C3orf70: variants seen among roughly 807,000 people sequenced by gnomAD.
C3orf70 encodes chromosome 3 open reading frame 70, also known as UPF0524 protein C3orf70.
C3orf70 carries 15 observed loss-of-function variants against 20.7 expected under a neutral mutation model. The ratio of observed to expected loss-of-function variants is 0.72; its 90% CI spans 0.48 to 1.11. The LOEUF (loss-of-function observed/expected upper bound fraction) is 1.11, where lower values mean the gene tolerates loss of function less well. C3orf70 is among the 50% of genes most tolerant of loss of function. C3orf70 has a pLI of 0.00. For synonymous variants in C3orf70, 161 were observed against 125.7 expected (o/e 1.28, Z -1.88); for missense variants, 332 against 317.6 (o/e 1.05, Z -0.34).
intron 1 of C3orf70, among the ~76,000 whole-genome samples, chr3:185,094,935 C>A (rs544733900): frequency 6.6e-6 from 1 of 152,014 alleles, no homozygotes; most frequent in Non-Finnish European, 1.5e-5. Context: ...AGACTCAGCC[C>A]GTCTGTATTA....
intron 1 of C3orf70, among the ~76,000 whole-genome samples, chr3:185,086,988 C>T (rs1715471111): frequency 6.6e-6 from 1 of 152,072 alleles, no homozygotes; most frequent in African/African-American, 2.4e-5. Context: ...ACTTATATCC[C>T]TGGGGTATCC....
At chr3:185,120,759 G>A (rs1716280562) in intron 1 of C3orf70, among the ~76,000 whole-genome samples, 1 of 151,144 alleles carries the variant, frequency 6.6e-6, no homozygotes, top group Admixed American at 6.6e-5. Context: ...CGGTGAAAAG[G>A]GAACACTTCT....
At position 185,082,831 on chromosome 3, in the gene C3orf70, T is replaced by A; in HGVS notation, c.*176A>T. On this transcript the variant is annotated 3_prime_UTR_variant, in exon 2 of 2. Transcript: ENST00000335012. ...AGAAAACTGTTTATAATAAAAAGAA[T>A]GTCTTAGTTGTAAGACGGAGAGAAG... is the stretch of plus-strand genomic sequence containing the variant. The A allele has an allele frequency of 1.6e-6, 1 of 625,214 alleles. No individual in the cohort carries two copies. Among genetic ancestry groups the A allele is most frequent in the East Asian group, 2.6e-5 (1 of 37,998 alleles). 38.7% of individuals were successfully genotyped at this position (625,214 alleles called of 1,614,324 possible). A position where few individuals can be genotyped will look rare whatever the true frequency, so the allele number is the denominator to read the frequency against.
At chr3:185,152,459 CAAGGA>C (rs1306801233) in intron 1 of C3orf70, among the ~76,000 whole-genome samples, 164 bp downstream of exon 1, 1 of 152,170 alleles carries the variant, frequency 6.6e-6, no homozygotes, top group Non-Finnish European at 1.5e-5. Context: ...CCGTCCGGCG[CAAGGA>C]AAGCTCCGGC....
intron 1 of C3orf70, among the ~76,000 whole-genome samples, chr3:185,114,518 T>C (rs1313888048): frequency 6.6e-6 from 1 of 152,198 alleles, no homozygotes; most frequent in Non-Finnish European, 1.5e-5. Flanking sequence ...TGATTAAAGA[T>C]TCCCCATCAG....
chr3:185,084,306 TATC>T (rs762451708), intron 1 of C3orf70, among the ~76,000 whole-genome samples: 13 of 152,170 alleles, frequency 8.5e-5, no homozygotes, highest in Non-Finnish European at 1.5e-4. Flanking sequence ...TATGTAAGTT[TATC>T]ATCAGAATTA....
At chr3:185,114,203 C>T (rs1166013089) in intron 1 of C3orf70, among the ~76,000 whole-genome samples, 1 of 151,716 alleles carries the variant, frequency 6.6e-6, no homozygotes, top group Non-Finnish European at 1.5e-5. Flanking sequence ...CCGCCCCCAC[C>T]CCCCAAAAAA....
At chr3:185,091,930 TA>T (rs1561330682) in intron 1 of C3orf70, among the ~76,000 whole-genome samples, 253 of 5,180 alleles carry the variant, frequency 0.049, 17 homozygotes, top group African/African-American at 0.15. Flanking sequence ...TATATATATA[TA>T]TATATATATA....
chr3:185,087,587 T>G (rs1417445277), intron 1 of C3orf70, among the ~76,000 whole-genome samples: 1 of 152,208 alleles, frequency 6.6e-6, no homozygotes, highest in Non-Finnish European at 1.5e-5. Context: ...CTGATTCCAC[T>G]TGCTTGATGT....
At chr3:185,105,415 G>A (rs527408073) in intron 1 of C3orf70, among the ~76,000 whole-genome samples, 77 of 152,372 alleles carry the variant, frequency 5.1e-4, no homozygotes, top group African/African-American at 1.6e-3. Flanking sequence ...TAGCATGAGC[G>A]ATCTGTGCCT....
chr3:185,098,725 T>C (rs1362720717), intron 1 of C3orf70, among the ~76,000 whole-genome samples: 1 of 152,206 alleles, frequency 6.6e-6, no homozygotes, highest in East Asian at 1.9e-4. Flanking sequence ...TATGTCAACT[T>C]TGAGGGTGCT....
At chr3:185,105,570 T>G (rs1387893276) in intron 1 of C3orf70, among the ~76,000 whole-genome samples, 1 of 152,204 alleles carries the variant, frequency 6.6e-6, no homozygotes, top group African/African-American at 2.4e-5. Flanking sequence ...AATAAATATG[T>G]GGGTAAATGT....
At chr3:185,091,888 TACACAC>T (rs1715579396) in intron 1 of C3orf70, among the ~76,000 whole-genome samples, 1 of 113,214 alleles carries the variant, frequency 8.8e-6, no homozygotes, top group Non-Finnish European at 1.8e-5. Flanking sequence ...ATAATATATA[TACACAC>T]ATACACACAC....
chr3:185,086,383 TTG>T (rs1715459368), intron 1 of C3orf70, among the ~76,000 whole-genome samples: 1 of 152,126 alleles, frequency 6.6e-6, no homozygotes, highest in African/African-American at 2.4e-5. Flanking sequence ...GTGATGGTAT[TTG>T]GGGGTGAGGC....
chr3:185,101,232 A>G (rs1345257346), intron 1 of C3orf70, among the ~76,000 whole-genome samples: 2 of 152,218 alleles, frequency 1.3e-5, no homozygotes, highest in African/African-American at 4.8e-5. Flanking sequence ...CAACAAAAAA[A>G]GAAAACTTCA....
intron 1 of C3orf70, among the ~76,000 whole-genome samples, chr3:185,125,595 T>C (rs1369914225): frequency 6.6e-6 from 1 of 151,966 alleles, no homozygotes; most frequent in Non-Finnish European, 1.5e-5. Context: ...ATAGAAACAA[T>C]CCAAATATCC....
At chr3:185,093,590 G>T (rs1577319578) in intron 1 of C3orf70, among the ~76,000 whole-genome samples, 1 of 152,118 alleles carries the variant, frequency 6.6e-6, no homozygotes, top group Non-Finnish European at 1.5e-5. Context: ...AACATCCACG[G>T]ACACCACAAG....
chr3:185,134,223 C>A (rs915173722), intron 1 of C3orf70, among the ~76,000 whole-genome samples: 21 of 152,188 alleles, frequency 1.4e-4, no homozygotes, highest in Middle Eastern at 3.4e-3. Context: ...ATTCTGGTGA[C>A]AGTAACACCA....
At position 185,078,533 on chromosome 3, in the gene C3orf70, T is replaced by C. The variant is rs1715249692; in HGVS notation, c.*4474A>G. 2.0e-5 allele frequency: 3 copies of C among 152,224 alleles called. No individual in the cohort carries two copies. Among genetic ancestry groups the C allele is most frequent in the African/African-American group, 7.2e-5 (3 of 41,450 alleles). 9.4% of individuals were successfully genotyped at this position (152,224 alleles called of 1,614,324 possible). A position where few individuals can be genotyped will look rare whatever the true frequency, so the allele number is the denominator to read the frequency against. ...TCTGTGTTGATGTGAGAGACACTGA[T>C]ATCCGGGAACTTACAGCACTGACCA... is the stretch of plus-strand genomic sequence containing the variant. On this transcript the variant is annotated 3_prime_UTR_variant, in exon 2 of 2. Transcript: ENST00000335012.
Sources: gnomAD v4.1 joint callset for allele counts (sites outside exome capture counted in the v4.1 genomes callset) on GRCh38, gnomAD v4.1.1 for gene constraint, MANE v1.5 for transcripts, NCBI Gene and HGNC (gene_info 2026-07-23, HGNC 2026-07-21) for gene names.